The following ZNF695 variants were observed in gnomAD, a reference collection of about 807,000 sequenced individuals.
The protein encoded by ZNF695 is zinc finger protein SBZF3.
In ZNF695, 11 loss-of-function variants were observed where a neutral mutation model predicts 11.2. The ratio of observed to expected loss-of-function variants is 0.98; its 90% CI spans 0.62 to 1.62. The LOEUF is 1.62. ZNF695 is among the 40% of genes most tolerant of loss of function. The pLI is 0.00. For synonymous variants in ZNF695, 190 were observed against 201.4 expected (o/e 0.94, Z 0.48); for missense variants, 559 against 590.5 (o/e 0.95, Z 0.55).
At chr1:246,995,120 A>G (rs145504207) in intron 3 of ZNF695, among the ~76,000 whole-genome samples, 49 of 152,254 alleles carry the variant, frequency 3.2e-4, no homozygotes, top group African/African-American at 1.0e-3. Flanking sequence ...AACAGAATCC[A>G]CGATATTCTC....
At position 246,988,348 on chromosome 1, in the gene ZNF695, T is replaced by C. The variant is rs561122498; in HGVS notation, c.260-93A>G. ...AAATTATACAAGCATATTAGCAAGA[T>C]AGCATAATGAAATACCACAGGCCCT... On this transcript the variant is annotated intron_variant, in intron 3 of 3. Coordinates refer to ENST00000339986, the MANE Select transcript of ZNF695 (RefSeq NM_020394.5). The C allele has an allele frequency of 1.9e-5, 18 of 960,018 alleles. No homozygotes were observed. The South Asian group carries it at 3.2e-4, about 17-fold the overall frequency. The allele number at this position is 960,018 out of a possible 1,614,324, so 59.5% of individuals were successfully genotyped here. A position where few individuals can be genotyped will look rare whatever the true frequency, so the allele number is the denominator to read the frequency against.
intron 3 of ZNF695, among the ~76,000 whole-genome samples, chr1:246,989,380 G>A (rs796187248): frequency 1.4e-4 from 21 of 152,270 alleles, no homozygotes; most frequent in Non-Finnish European, 8.8e-5. Flanking sequence ...AAGCTAAGGC[G>A]TAGAGTTTTT....
intron 5 of ZNF695, among the ~76,000 whole-genome samples, chr1:246,954,973 T>A (rs1309423354): frequency 6.6e-6 from 1 of 152,138 alleles, no homozygotes; most frequent in Non-Finnish European, 1.5e-5. Context: ...CTCATCCAAA[T>A]CTCATCTTGA....
downstream of ZNF695, among the ~76,000 whole-genome samples, chr1:246,983,791 C>T (rs1449012554): frequency 6.6e-6 from 1 of 152,116 alleles, no homozygotes; most frequent in Non-Finnish European, 1.5e-5. Flanking sequence ...GCACTCCAGC[C>T]TGGGTGACAG....
chr1:246,953,000 T>C (rs10924874), intron 5 of ZNF695, among the ~76,000 whole-genome samples: 45,538 of 151,850 alleles, frequency 0.3, 8,042 homozygotes, highest in East Asian at 0.43. Flanking sequence ...GTGACCCTAC[T>C]TGAGCCACAA....
At chr1:246,950,787 C>A (rs1236199800) in intron 5 of ZNF695, among the ~76,000 whole-genome samples, 3 of 151,754 alleles carry the variant, frequency 2.0e-5, no homozygotes, top group Non-Finnish European at 2.9e-5. Flanking sequence ...GGACAAGGTA[C>A]TTGACCACTC....
At chr1:246,951,874 C>G (rs536846628) in intron 5 of ZNF695, among the ~76,000 whole-genome samples, 3 of 152,292 alleles carry the variant, frequency 2.0e-5, no homozygotes, top group African/African-American at 7.2e-5. Flanking sequence ...CACCTTCTCC[C>G]CCCGCTCTTT....
chr1:246,976,405 C>G (rs1361949191), intron 4 of ZNF695, among the ~76,000 whole-genome samples: 3 of 152,102 alleles, frequency 2.0e-5, no homozygotes, highest in Non-Finnish European at 4.4e-5. Flanking sequence ...TTCTTTAAAT[C>G]CTTTTGAGGC....
intron 5 of ZNF695, among the ~76,000 whole-genome samples, chr1:246,958,758 G>A (rs1003166833): frequency 1.3e-5 from 2 of 152,136 alleles, no homozygotes; most frequent in African/African-American, 4.8e-5. Context: ...ACGATGTAAC[G>A]CATGATTGTT....
chr1:247,007,935 C>T lies in ZNF695; in HGVS notation c.-27G>A, dbSNP rs1163978192. ...TCCCAGCTTTTGGGGGTCCCAGCGT[C>T]CTCCCTATAAATCTCGCAATACCTG... On this transcript the variant is annotated 5_prime_UTR_variant, in exon 1 of 4. Transcript: ENST00000339986. The T allele has an allele frequency of 6.6e-7, 1 of 1,509,498 alleles. No homozygotes were observed. The highest frequency in any genetic ancestry group is 1.4e-5 in the African/African-American group (1 of 70,804). The allele number at this position is 1,509,498 out of a possible 1,614,324, so 93.5% of individuals were successfully genotyped here. A position where few individuals can be genotyped will look rare whatever the true frequency, so the allele number is the denominator to read the frequency against.
intron 4 of ZNF695, among the ~76,000 whole-genome samples, chr1:246,977,319 T>C (rs1017498577): frequency 4.6e-5 from 7 of 152,300 alleles, no homozygotes; most frequent in Non-Finnish European, 8.8e-5. Context: ...TGCAGTGGTG[T>C]GATCTTGGCT....
chr1:246,981,276 T>C (rs1668704411), downstream of ZNF695, among the ~76,000 whole-genome samples: 1 of 152,168 alleles, frequency 6.6e-6, no homozygotes, highest in Non-Finnish European at 1.5e-5. Context: ...ACACTGTTGG[T>C]ATGAATGTGA....
At chr1:246,974,149 C>T (rs2800213) in intron 4 of ZNF695, among the ~76,000 whole-genome samples, 1 of 34,642 alleles carries the variant, frequency 2.9e-5, no homozygotes, top group Non-Finnish European at 6.0e-5. Context: ...GAATAAAAAA[C>T]AAACAAACAA....
chr1:246,952,240 T>C (rs1448605067), intron 5 of ZNF695, among the ~76,000 whole-genome samples: 1 of 152,178 alleles, frequency 6.6e-6, no homozygotes, highest in Non-Finnish European at 1.5e-5. Context: ...TGAGCCACTG[T>C]GTCCAGCCCC....
chr1:246,974,848 C>G (rs183108548), intron 4 of ZNF695, among the ~76,000 whole-genome samples: 234 of 152,320 alleles, frequency 1.5e-3, no homozygotes, highest in African/African-American at 5.5e-3. Context: ...TGCTGACCCA[C>G]CGCCACAGTG....
intron 5 of ZNF695, among the ~76,000 whole-genome samples, chr1:246,964,483 A>C (rs897859355): frequency 3.9e-5 from 6 of 152,226 alleles, no homozygotes; most frequent in Non-Finnish European, 7.3e-5. Context: ...CCTATTACTC[A>C]GGAAATTAAA....
intron 3 of ZNF695, among the ~76,000 whole-genome samples, chr1:246,997,354 T>A (rs915624147): frequency 1.3e-5 from 2 of 151,796 alleles, no homozygotes; most frequent in Non-Finnish European, 2.9e-5. Flanking sequence ...AATACAAAAA[T>A]TTGCCAGATG....
At chr1:246,956,541 G>A (rs142609045) in intron 5 of ZNF695, among the ~76,000 whole-genome samples, 12,602 of 151,868 alleles carry the variant, frequency 0.083, 943 homozygotes, top group African/African-American at 0.2. Flanking sequence ...ACTTGAACCC[G>A]GGAGGCAGAG....
intron 1 of ZNF695, among the ~76,000 whole-genome samples, chr1:247,001,729 A>G (rs1308748379): frequency 4.6e-5 from 7 of 151,302 alleles, no homozygotes; most frequent in Non-Finnish European, 7.4e-5. Context: ...AAAAAAAAAA[A>G]AAAAAGAAAC....
Sources: allele counts gnomAD v4.1 joint callset (sites outside exome capture counted in the v4.1 genomes callset), GRCh38; gene constraint gnomAD v4.1.1; transcripts MANE v1.5; gene names NCBI Gene and HGNC (gene_info 2026-07-23, HGNC 2026-07-21).